Variants in CCDC146 observed in about 807,000 individuals in gnomAD.
CCDC146 encodes coiled-coil domain containing 146, also known as coiled-coil domain-containing protein 146.
In CCDC146, 92 loss-of-function variants were observed where a neutral mutation model predicts 119.3. The ratio of observed to expected loss-of-function variants is 0.77; its 90% CI spans 0.65 to 0.92. The LOEUF is 0.92. Among genes scored for constraint, CCDC146 ranks in the 40% least tolerant of loss-of-function variants. The pLI, the probability that CCDC146 is intolerant of heterozygous loss-of-function variation, is 0.00. For missense variants in CCDC146, 1,000 were observed against 1,103.0 expected, an observed-to-expected ratio of 0.91 and a Z score of 1.32; for synonymous variants, 372 against 371.8, an observed-to-expected ratio of 1.00 and a Z score of -0.01.
Position 77,280,580 on chromosome 7 carries a change from A to G in CCDC146, c.1846A>G (p.Ile616Val). The change falls in exon 14 of 19, where the codon ATC becomes GTC. Residue 616 changes from isoleucine (I) to valine (V), a missense_variant. By Grantham distance (29) the Ile-to-Val change is conservative (BLOSUM62 3). Around this residue, in one of 2 missense-constraint regions of CCDC146, gnomAD observed 985 missense variants for 1,045.3 expected, o/e 0.94. Coordinates refer to ENST00000285871, the MANE Select transcript of CCDC146 (RefSeq NM_020879.3). ...LNNIDRLANTITMIEEEMVQL... is the reference protein window; with the variant it reads ...LNNIDRLANTVTMIEEEMVQL... ...TAACATTGACAGACTTGCCAACACG[A>G]TCACAATGATCGAAGAGGAGATGGT... is the stretch of plus-strand genomic sequence containing the variant. 1 of 1,614,166 alleles carries G rather than the reference A, an allele frequency of 6.2e-7. No homozygotes were observed. The highest frequency in any genetic ancestry group is 8.5e-7 in the Non-Finnish European group (1 of 1,180,018).
intron 11 of CCDC146, 134 bp downstream of exon 11, chr7:77,274,786 C>A (rs1032171839): frequency 6.5e-5 from 42 of 641,576 alleles, no homozygotes; most frequent in Non-Finnish European, 9.2e-5. Context: ...GGACAAAAAA[C>A]CAAACATTGC....
chr7:77,122,885 T>C (rs1435918973), intron 1 of CCDC146, among the ~76,000 whole-genome samples, 153 bp downstream of exon 1: 3 of 152,212 alleles, frequency 2.0e-5, no homozygotes, highest in Non-Finnish European at 4.4e-5. Flanking sequence ...TTGGTGCTTT[T>C]TGAGGGAATT....
chr7:77,201,088 CTG>C (rs1791978336), intron 2 of CCDC146, among the ~76,000 whole-genome samples: 1 of 152,140 alleles, frequency 6.6e-6, no homozygotes, highest in Admixed American at 6.5e-5. Context: ...TCTTCCATGA[CTG>C]TATTTATTCT....
chr7:77,188,721 C>A (rs1161855682), intron 2 of CCDC146, among the ~76,000 whole-genome samples: 1 of 152,124 alleles, frequency 6.6e-6, no homozygotes, highest in East Asian at 1.9e-4. Flanking sequence ...TTGTGTAACA[C>A]CATGATGATT....
intron 1 of CCDC146, among the ~76,000 whole-genome samples, chr7:77,153,402 A>G (rs1015692497): frequency 4.6e-5 from 7 of 151,282 alleles, no homozygotes; most frequent in Non-Finnish European, 1.0e-4. Context: ...TAAAAATTCC[A>G]GCAAGGAGGA....
Position 77,263,610 on chromosome 7 carries a change from A to G in CCDC146, c.1173+1303A>G, listed in dbSNP as rs74384616. Reference sequence around the variant, plus strand: ...GACTTGGACTTCGTCTTGCTGTCAGATGGCACTTATAATCTTTTCAAGAAG... The same window carrying G: ...GACTTGGACTTCGTCTTGCTGTCAGGTGGCACTTATAATCTTTTCAAGAAG... On this transcript the variant is annotated intron_variant, in intron 9 of 18. Transcript: ENST00000285871. 8.5e-3 allele frequency among the ~76,000 whole-genome samples: 1,298 copies of G among 152,330 alleles called. 21 individuals carry two copies. The highest frequency in any genetic ancestry group is 0.03 in the African/African-American group (1,231 of 41,572).
intron 1 of CCDC146, among the ~76,000 whole-genome samples, chr7:77,145,641 G>T (rs1394638525): frequency 6.6e-6 from 1 of 152,152 alleles, no homozygotes; most frequent in Non-Finnish European, 1.5e-5. Context: ...TGGTTTCAAA[G>T]AACATCTTTA....
rs191928688 is a variant in CCDC146 at position 77,241,683 on chromosome 7, T to C, written c.240-8T>C. 54 of 1,613,424 alleles carry C rather than the reference T, an allele frequency of 3.3e-5. No individual in the cohort carries two copies. In the African/African-American group the frequency reaches 6.7e-4, roughly 20 times the overall value. On this transcript the variant is annotated splice_polypyrimidine_tract_variant and splice_region_variant and intron_variant, in intron 3 of 18. Coordinates refer to ENST00000285871, the MANE Select transcript of CCDC146 (RefSeq NM_020879.3). ...ATTATGTGAGTCTCTGTTTTTCATG[T>C]AACCCAGCACACAAGAGTCAGAGGT...
intron 1 of CCDC146, among the ~76,000 whole-genome samples, chr7:77,154,780 T>C (rs1383769672): frequency 6.6e-6 from 1 of 152,190 alleles, no homozygotes; most frequent in East Asian, 1.9e-4. Flanking sequence ...GCATGTGTCT[T>C]TATAGCAGCA....
At chr7:77,259,750 G>A (rs1466721807) in intron 7 of CCDC146, among the ~76,000 whole-genome samples, 1 of 152,146 alleles carries the variant, frequency 6.6e-6, no homozygotes, top group East Asian at 1.9e-4. Context: ...AGCAAATTGG[G>A]ATCTGCACAG....
At chr7:77,244,646 G>T (rs1792913320) in intron 4 of CCDC146, among the ~76,000 whole-genome samples, 1 of 152,164 alleles carries the variant, frequency 6.6e-6, no homozygotes, top group Non-Finnish European at 1.5e-5. Flanking sequence ...TGTGTAGTAG[G>T]CTACACCACA....
chr7:77,233,647 A>G (rs1202788310), intron 2 of CCDC146, among the ~76,000 whole-genome samples: 3 of 152,052 alleles, frequency 2.0e-5, no homozygotes, highest in Non-Finnish European at 4.4e-5. Flanking sequence ...GGAGTGCACA[A>G]CCTAGATCCC....
chr7:77,214,122 CATATT>C (rs1197854409), intron 2 of CCDC146, among the ~76,000 whole-genome samples: 1 of 152,110 alleles, frequency 6.6e-6, no homozygotes, highest in Non-Finnish European at 1.5e-5. Context: ...TCCTTGCCAA[CATATT>C]ATATTTTGAC....
chr7:77,178,110 C>G (rs1371720268), intron 2 of CCDC146, among the ~76,000 whole-genome samples: 1 of 152,118 alleles, frequency 6.6e-6, no homozygotes, highest in Non-Finnish European at 1.5e-5. Context: ...AGATTAATAC[C>G]CCTCAATTCA....
chr7:77,266,019 C>T (rs557879255), intron 9 of CCDC146, among the ~76,000 whole-genome samples: 18 of 152,266 alleles, frequency 1.2e-4, no homozygotes, highest in African/African-American at 2.2e-4. Context: ...TCACACATGA[C>T]GGTATACCTC....
intron 2 of CCDC146, chr7:77,198,184 A>G (rs1360316430): frequency 1.0e-6 from 1 of 985,340 alleles, no homozygotes; most frequent in Non-Finnish European, 1.2e-6. Flanking sequence ...TGCCAGGAGT[A>G]TTACCAATAG....
intron 2 of CCDC146, chr7:77,199,158 TAAG>T: frequency 1.3e-6 from 2 of 1,591,352 alleles, no homozygotes; most frequent in Admixed American, 1.7e-5. Context: ...GAACATATGA[TAAG>T]AAAACATTAT....
At chr7:77,182,076 A>C (rs1164029527) in intron 2 of CCDC146, among the ~76,000 whole-genome samples, 4 of 152,186 alleles carry the variant, frequency 2.6e-5, no homozygotes, top group Non-Finnish European at 5.9e-5. Flanking sequence ...ATCCAGGTGG[A>C]GGCAAACAGA....
At chr7:77,156,685 G>A (rs554087463) in intron 1 of CCDC146, among the ~76,000 whole-genome samples, 1 of 152,238 alleles carries the variant, frequency 6.6e-6, no homozygotes, top group South Asian at 2.1e-4. Context: ...ATAAAATCTA[G>A]GCAGGAATAA....
Sources: gnomAD v4.1 joint callset for allele counts (sites outside exome capture counted in the v4.1 genomes callset) on GRCh38, gnomAD v4.1.1 for gene constraint, gnomAD v4.1.1 regional missense constraint, MANE v1.5 for transcripts, NCBI Gene and HGNC (gene_info 2026-07-23, HGNC 2026-07-21) for gene names.